The following CEMIP variants were observed in gnomAD, a reference collection of about 807,000 sequenced individuals.
CEMIP encodes the protein cell migration inducing hyaluronidase 1.
Under a neutral mutation model 156.9 loss-of-function variants are expected in CEMIP, and 105 were observed. That is an observed-to-expected ratio of 0.67 (90% confidence interval 0.57 to 0.79). CEMIP has a LOEUF of 0.79. Among genes scored for constraint, CEMIP ranks in the 30% least tolerant of loss-of-function variants. The probability of loss-of-function intolerance (pLI) is 0.00; values close to 1 mark genes in which losing one functional copy is unlikely to be tolerated. For missense variants in CEMIP, 1,457 were observed against 1,769.4 expected (o/e 0.82, Z 3.17); for synonymous variants, 676 against 668.4 (o/e 1.01, Z -0.17).
intron 1 of CEMIP, among the ~76,000 whole-genome samples, chr15:80,795,916 G>A (rs1346909200): frequency 6.6e-6 from 1 of 152,080 alleles, no homozygotes; most frequent in Non-Finnish European, 1.5e-5. Context: ...GGTGACAGAG[G>A]ATAAGAGAAT....
intron 1 of CEMIP, among the ~76,000 whole-genome samples, chr15:80,843,863 G>T (rs1396274863): frequency 6.6e-6 from 1 of 152,184 alleles, no homozygotes; most frequent in African/African-American, 2.4e-5. Flanking sequence ...GAATAGCTAG[G>T]ATCCTGGTGG....
rs35526763 is a variant in CEMIP at position 80,943,022 on chromosome 15, G to A, written c.3777G>A (p.Val1259=). Residue 1259 remains valine (V), a synonymous_variant, in exon 28 of 30, where the codon GTG becomes GTA. Transcript: ENST00000394685. ...VVIDGNQGRV[V]SHTSFRNSIL... ...TTGACGGGAACCAAGGGCGCGTGGT[G>A]AGCCACACGAGCTTCAGGAACTCCA... is the stretch of plus-strand genomic sequence containing the variant. The A allele has an allele frequency of 4.5e-3, 7,263 of 1,614,202 alleles. 106 individuals are homozygous for A. In the African/African-American group the frequency reaches 0.046, roughly 10 times the overall value.
chr15:80,797,866 C>T (rs1366395115), intron 1 of CEMIP, among the ~76,000 whole-genome samples: 5 of 152,238 alleles, frequency 3.3e-5, no homozygotes, highest in Non-Finnish European at 5.9e-5. Context: ...CAGGCCGCCT[C>T]CACTGTGTTT....
chr15:80,855,998 AG>A (rs1408460009), intron 1 of CEMIP, among the ~76,000 whole-genome samples: 7 of 152,246 alleles, frequency 4.6e-5, no homozygotes, highest in African/African-American at 1.7e-4. Context: ...GCTGAGTGAA[AG>A]AAACCTTGTA....
chr15:80,839,788 C>T (rs1168050382), intron 1 of CEMIP, among the ~76,000 whole-genome samples: 1 of 152,230 alleles, frequency 6.6e-6, no homozygotes, highest in Non-Finnish European at 1.5e-5. Flanking sequence ...CCCAGGTGGT[C>T]ATTCCTTCTG....
In CEMIP at chr15:80,936,799, G is replaced by A. The variant is rs202129485; in HGVS notation, c.3135G>A (p.Pro1045=). 2.2e-5 allele frequency: 35 copies of A among 1,614,130 alleles called. No homozygotes were observed. The highest frequency in any genetic ancestry group is 8.3e-5 in the Admixed American group (5 of 60,018). The stretch of plus-strand genomic sequence containing the variant: ...GCACCCATTACCAGCAATACCAACC[G>A]GTTGTCACCCTGCAGAAGGGCTACA... ...TRSTHYQQYQ[P]VVTLQKGYTI... The change falls in exon 24 of 30, where the codon CCG becomes CCA. Residue 1045 remains proline (P), a synonymous_variant. Coordinates refer to ENST00000394685, the MANE Select transcript of CEMIP (RefSeq NM_001293298.2).
intron 1 of CEMIP, among the ~76,000 whole-genome samples, chr15:80,846,841 CTTG>C (rs1897573506): frequency 6.6e-6 from 1 of 152,214 alleles, no homozygotes; most frequent in African/African-American, 2.4e-5. Flanking sequence ...CTAATAATCA[CTTG>C]TTGTGGTGAC....
At chr15:80,802,703 T>C (rs1006947440) in intron 1 of CEMIP, among the ~76,000 whole-genome samples, 2 of 152,218 alleles carry the variant, frequency 1.3e-5, no homozygotes, top group African/African-American at 2.4e-5. Context: ...ACTTCTGACA[T>C]GTTCACATGC....
chr15:80,858,103 T>C (rs569393783), intron 1 of CEMIP, among the ~76,000 whole-genome samples: 1 of 152,230 alleles, frequency 6.6e-6, no homozygotes, highest in African/African-American at 2.4e-5. Flanking sequence ...GACTTCATTC[T>C]TGGTGTGATG....
intron 21 of CEMIP, among the ~76,000 whole-genome samples, chr15:80,931,018 T>A (rs1385016344): frequency 6.6e-6 from 1 of 151,796 alleles, no homozygotes; most frequent in Non-Finnish European, 1.5e-5. Context: ...TGCTCAGGAG[T>A]CTGAGGCAAT....
chr15:80,803,157 C>T (rs571428704), intron 1 of CEMIP, among the ~76,000 whole-genome samples: 9 of 152,088 alleles, frequency 5.9e-5, no homozygotes, highest in Admixed American at 2.0e-4. Flanking sequence ...TGTACTTCCT[C>T]GTGTAAAGAA....
In CEMIP at chr15:80,877,772, C is replaced by T. The variant is rs553645372; in HGVS notation, c.95-949C>T. Among the ~76,000 whole-genome samples, 314 of 152,326 alleles carry T rather than the reference C, an allele frequency of 2.1e-3. 2 individuals carry two copies. Among genetic ancestry groups the T allele is most frequent in the Non-Finnish European group, 2.7e-3 (184 of 68,026 alleles). On this transcript the variant is annotated intron_variant, in intron 3 of 29. Transcript: ENST00000394685. Reference sequence around the variant, plus strand: ...AGAAGTGCCTCTGCAATACCCACCCCCGGTCTTTTTAGGCTCAACTAAACA... The same window carrying T: ...AGAAGTGCCTCTGCAATACCCACCCTCGGTCTTTTTAGGCTCAACTAAACA...
At chr15:80,801,781 C>T (rs932224434) in intron 1 of CEMIP, among the ~76,000 whole-genome samples, 1 of 152,170 alleles carries the variant, frequency 6.6e-6, no homozygotes, top group African/African-American at 2.4e-5. Flanking sequence ...ATAGATTCAA[C>T]CAATTGCAAA....
chr15:80,819,389 G>A (rs1200352676), intron 1 of CEMIP, among the ~76,000 whole-genome samples: 1 of 152,190 alleles, frequency 6.6e-6, no homozygotes, highest in Non-Finnish European at 1.5e-5. Flanking sequence ...CTTAGGGATG[G>A]TTCCAGATGT....
At chr15:80,836,412 G>A (rs114546092) in intron 1 of CEMIP, among the ~76,000 whole-genome samples, 2,705 of 152,266 alleles carry the variant, frequency 0.018, 71 homozygotes, top group African/African-American at 0.055. Context: ...GCATCCCTGC[G>A]GGTTGTCTCT....
intron 1 of CEMIP, among the ~76,000 whole-genome samples, chr15:80,816,366 TTGTC>T (rs1435047232): frequency 2.0e-5 from 3 of 152,128 alleles, no homozygotes; most frequent in Non-Finnish European, 4.4e-5. Flanking sequence ...GGCAGGAAAG[TTGTC>T]TGTCTGGATG....
Position 80,920,309 on chromosome 15 carries a change from TG to T in CEMIP, c.2003+12del. 6.2e-7 allele frequency: 1 copy of T among 1,611,764 alleles called. No individual in the cohort carries two copies. The highest frequency in any genetic ancestry group is 1.3e-5 in the African/African-American group (1 of 74,992). ...CCAGGCAAGACTGCAAGTAAGTGCC[TG>T]GACCCCTCTCTGTGTGCTGGGGGGA... On this transcript the variant is annotated intron_variant, in intron 15 of 29. Transcript: ENST00000394685.
chr15:80,855,630 C>G (rs58422705), intron 1 of CEMIP, among the ~76,000 whole-genome samples: 28 of 152,154 alleles, frequency 1.8e-4, no homozygotes, highest in Middle Eastern at 6.8e-3. Context: ...CTGGGTTCAG[C>G]TCCTGTCTCG....
chr15:80,847,407 A>G (rs903454428), intron 1 of CEMIP, among the ~76,000 whole-genome samples: 12 of 152,312 alleles, frequency 7.9e-5, no homozygotes, highest in African/African-American at 2.6e-4. Flanking sequence ...GGAAGCATCA[A>G]TACATTACAT....
Sources: gnomAD v4.1 joint callset for allele counts (sites outside exome capture counted in the v4.1 genomes callset) on GRCh38, gnomAD v4.1.1 for gene constraint, MANE v1.5 for transcripts, NCBI Gene and HGNC (gene_info 2026-07-23, HGNC 2026-07-21) for gene names.